The following DSCAM variants were observed in gnomAD, a reference collection of about 807,000 sequenced individuals.
The protein encoded by DSCAM is cell adhesion molecule DSCAM.
Under a neutral mutation model 217.7 loss-of-function variants are expected in DSCAM, and 47 were observed. The observed-to-expected ratio is 0.22, with a 90% CI of 0.17 to 0.28. The LOEUF (loss-of-function observed/expected upper bound fraction) is 0.28. DSCAM is among the 10% of genes least tolerant of loss of function. The pLI is 1.00. For missense variants in DSCAM, 2,080 were observed against 2,618.3 expected (o/e 0.79, Z 4.49); for synonymous variants, 1,056 against 1,015.3 (o/e 1.04, Z -0.76).
intron 4 of DSCAM, 77 bp downstream of exon 4, chr21:40,369,022 C>T (rs1306634246): frequency 6.4e-6 from 9 of 1,417,106 alleles, no homozygotes; most frequent in East Asian, 2.5e-5. Context: ...CAACACTCCA[C>T]AATTTTGATT....
At chr21:40,839,920 G>C (rs2092086600) in intron 1 of DSCAM, among the ~76,000 whole-genome samples, 1 of 151,918 alleles carries the variant, frequency 6.6e-6, no homozygotes. Flanking sequence ...TTCATATCTT[G>C]ACATATATCT....
At chr21:40,629,969 T>C (rs1481871333) in intron 3 of DSCAM, among the ~76,000 whole-genome samples, 1 of 152,126 alleles carries the variant, frequency 6.6e-6, no homozygotes, top group Non-Finnish European at 1.5e-5. Flanking sequence ...AACATAGAGA[T>C]GTTACAATTA....
intron 11 of DSCAM, among the ~76,000 whole-genome samples, chr21:40,222,405 A>G (rs1469488715): frequency 2.0e-5 from 3 of 152,250 alleles, no homozygotes; most frequent in Non-Finnish European, 2.9e-5. Flanking sequence ...AAGGCTGTTG[A>G]TATGGTTTTT....
At chr21:40,673,503 G>A (rs553021034) in intron 3 of DSCAM, among the ~76,000 whole-genome samples, 10 of 152,208 alleles carry the variant, frequency 6.6e-5, no homozygotes, top group African/African-American at 2.4e-4. Flanking sequence ...GTGGCCTTAC[G>A]TTGGAAGTAG....
At chr21:40,199,625 A>G (rs2091049615) in intron 11 of DSCAM, among the ~76,000 whole-genome samples, 1 of 152,156 alleles carries the variant, frequency 6.6e-6, no homozygotes, top group Non-Finnish European at 1.5e-5. Flanking sequence ...ACAGTGTAAA[A>G]GCATTCCTAT....
intron 27 of DSCAM, among the ~76,000 whole-genome samples, chr21:40,072,044 G>T (rs2089298761): frequency 6.6e-6 from 1 of 152,180 alleles, no homozygotes. Context: ...CACAGTTACG[G>T]AGATGAGTCT....
At chr21:40,388,074 G>A (rs2075102637) in intron 3 of DSCAM, among the ~76,000 whole-genome samples, 1 of 152,112 alleles carries the variant, frequency 6.6e-6, no homozygotes, top group African/African-American at 2.4e-5. Context: ...CAAGGAGAGG[G>A]TAGAAAAAAA....
intron 9 of DSCAM, among the ~76,000 whole-genome samples, chr21:40,301,178 C>T (rs2074010671): frequency 1.3e-5 from 2 of 152,200 alleles, no homozygotes; most frequent in Admixed American, 6.5e-5. Context: ...GGTCTACCTG[C>T]CACGAACTGT....
rs2074798663 is a variant in DSCAM at position 40,364,024 on chromosome 21, A to C, written c.655+5075T>G. Among the ~76,000 whole-genome samples, 5 of 152,290 alleles carry C rather than the reference A, an allele frequency of 3.3e-5. No homozygotes were observed. The South Asian group carries it at 1.0e-3, about 32-fold the overall frequency. On this transcript the variant is annotated intron_variant, in intron 4 of 32. Coordinates refer to ENST00000400454, the MANE Select transcript of DSCAM (RefSeq NM_001389.5). The stretch of plus-strand genomic sequence containing the variant: ...AATGGTGATCATTAAAAAGTCAGGA[A>C]ACAACAGGTGCTGGAGAGGATGTGG...
At chr21:40,542,583 G>A (rs967819693) in intron 3 of DSCAM, among the ~76,000 whole-genome samples, 1 of 152,220 alleles carries the variant, frequency 6.6e-6, no homozygotes, top group Admixed American at 6.5e-5. Flanking sequence ...TCTGCTCTCT[G>A]CCATCTGAGG....
chr21:40,569,803 T>G (rs180946983), intron 3 of DSCAM, among the ~76,000 whole-genome samples: 52 of 152,320 alleles, frequency 3.4e-4, no homozygotes, highest in African/African-American at 1.2e-3. Flanking sequence ...CTTGGAGTTT[T>G]TCCTACTTAT....
At chr21:40,698,661 G>A (rs1369680426) in intron 2 of DSCAM, among the ~76,000 whole-genome samples, 1 of 152,098 alleles carries the variant, frequency 6.6e-6, no homozygotes, top group Non-Finnish European at 1.5e-5. Context: ...CCTGAGGTCA[G>A]GAGTTCAAGA....
At chr21:40,668,032 C>G (rs1212429719) in intron 3 of DSCAM, among the ~76,000 whole-genome samples, 1 of 152,178 alleles carries the variant, frequency 6.6e-6, no homozygotes, top group Non-Finnish European at 1.5e-5. Context: ...TAGAAGGCCC[C>G]AGTCTCATTC....
At chr21:40,727,459 C>T (rs1370027134) in intron 1 of DSCAM, among the ~76,000 whole-genome samples, 4 of 152,130 alleles carry the variant, frequency 2.6e-5, no homozygotes, top group African/African-American at 7.2e-5. Context: ...GAGTTTTAAT[C>T]GAAGAAGTAA....
intron 26 of DSCAM, among the ~76,000 whole-genome samples, chr21:40,078,262 T>C (rs955103513): frequency 6.6e-6 from 1 of 152,132 alleles, no homozygotes; most frequent in Non-Finnish European, 1.5e-5. Flanking sequence ...CCATGGAAAA[T>C]TGTTTTTGCA....
intron 1 of DSCAM, among the ~76,000 whole-genome samples, chr21:40,830,942 T>C (rs2092007404): frequency 6.6e-6 from 1 of 152,168 alleles, no homozygotes; most frequent in African/African-American, 2.4e-5. Flanking sequence ...ATGGGATCCC[T>C]GGCCAAGGTT....
chr21:40,808,317 A>G (rs1366890335), intron 1 of DSCAM, among the ~76,000 whole-genome samples: 1 of 152,120 alleles, frequency 6.6e-6, no homozygotes, highest in African/African-American at 2.4e-5. Flanking sequence ...ACAGACCCAA[A>G]GTTCACAAAA....
In DSCAM at chr21:40,012,881, C is replaced by T; in HGVS notation, c.*153G>A. Reference sequence around the variant, plus strand: ...CAGAAAAAAAGCAGGAGAGTCTTTGCACTGTCTGTGGTTTCAGTATTTTCT... The same window carrying T: ...CAGAAAAAAAGCAGGAGAGTCTTTGTACTGTCTGTGGTTTCAGTATTTTCT... On this transcript the variant is annotated 3_prime_UTR_variant, in exon 33 of 33. Coordinates refer to ENST00000400454, the MANE Select transcript of DSCAM (RefSeq NM_001389.5). 1.8e-6 allele frequency: 1 copy of T among 553,472 alleles called. No homozygotes were observed. The highest frequency in any genetic ancestry group is 2.8e-6 in the Non-Finnish European group (1 of 360,618). The allele number at this position is 553,472 out of a possible 1,614,324, so 34.3% of individuals were successfully genotyped here.
chr21:40,388,640 A>AC (rs530752570), intron 3 of DSCAM, among the ~76,000 whole-genome samples: 9,577 of 151,720 alleles, frequency 0.063, 349 homozygotes, highest in East Asian at 0.18. Context: ...GCCATTTTAA[A>AC]CCCCCCCTCC....
Sources: gnomAD v4.1 joint callset for allele counts (sites outside exome capture counted in the v4.1 genomes callset) on GRCh38, gnomAD v4.1.1 for gene constraint, MANE v1.5 for transcripts, NCBI Gene and HGNC (gene_info 2026-07-23, HGNC 2026-07-21) for gene names.